The following PDE3B variants were observed in gnomAD, a reference collection of about 807,000 sequenced individuals.
PDE3B encodes phosphodiesterase 3B.
Under a neutral mutation model 116.8 loss-of-function variants are expected in PDE3B, and 66 were observed. That is an observed-to-expected ratio of 0.56 (90% CI 0.46 to 0.69). The LOEUF is 0.69. Ranked by LOEUF, PDE3B falls within the 30% of genes least tolerant of loss-of-function variation. The pLI is 0.00. For missense variants in PDE3B, 1,384 were observed against 1,368.1 expected, an observed-to-expected ratio of 1.01 and a Z score of -0.18; for synonymous variants, 595 against 533.6, an observed-to-expected ratio of 1.12 and a Z score of -1.59.
intron 1 of PDE3B, among the ~76,000 whole-genome samples, chr11:14,749,858 T>C (rs900750553): frequency 2.4e-5 from 3 of 127,254 alleles, no homozygotes; most frequent in African/African-American, 5.7e-5. Flanking sequence ...TTTATATATA[T>C]TTAAAATTTA....
chr11:14,665,783 G>A (rs1242298121), intron 1 of PDE3B, among the ~76,000 whole-genome samples: 7 of 152,206 alleles, frequency 4.6e-5, no homozygotes, highest in Non-Finnish European at 8.8e-5. Context: ...AAATAAAAGA[G>A]GATACAAATA....
intron 1 of PDE3B, among the ~76,000 whole-genome samples, chr11:14,710,406 A>G (rs1273320750): frequency 1.3e-5 from 2 of 152,012 alleles, no homozygotes; most frequent in Non-Finnish European, 2.9e-5. Context: ...CCTCCCACCA[A>G]CCACGAGAGA....
intron 11 of PDE3B, among the ~76,000 whole-genome samples, chr11:14,836,938 C>G (rs1454526906): frequency 6.6e-6 from 1 of 152,200 alleles, no homozygotes; most frequent in Non-Finnish European, 1.5e-5. Flanking sequence ...CTCAGTCTCC[C>G]AAGCAGCTGG....
intron 5 of PDE3B, among the ~76,000 whole-genome samples, chr11:14,805,520 A>G (rs1161817332): frequency 6.6e-6 from 1 of 152,222 alleles, no homozygotes; most frequent in Non-Finnish European, 1.5e-5. Context: ...AAAAATGTAA[A>G]TCAAGTCATT....
At chr11:14,791,313 C>A (rs1273582566) in intron 4 of PDE3B, among the ~76,000 whole-genome samples, 1 of 152,062 alleles carries the variant, frequency 6.6e-6, no homozygotes, top group Non-Finnish European at 1.5e-5. Flanking sequence ...TCACAGTTTG[C>A]CTGACTGATT....
In PDE3B at chr11:14,870,500, G is replaced by A. The variant is rs1247720; in HGVS notation, c.*840G>A. Reference sequence around the variant, plus strand: ...GTATTTTTAAAGATTTAGTTAATATGAACACAGCACAGATTTGTTAGAAGA... The same window carrying A: ...GTATTTTTAAAGATTTAGTTAATATAAACACAGCACAGATTTGTTAGAAGA... On this transcript the variant is annotated 3_prime_UTR_variant, in exon 16 of 16. Transcript: ENST00000282096. This position sits in a 1 kb window ranked among gnomAD's most constrained non-coding sequence, Gnocchi z 4.1. 150,858 of 152,724 alleles carry A rather than the reference G, an allele frequency of 0.99. 74,545 individuals are homozygous for A. Among genetic ancestry groups the A allele is most frequent in the Middle Eastern group, 1 (294 of 294 alleles). 9.5% of individuals were successfully genotyped at this position (152,724 alleles called of 1,614,324 possible).
intron 1 of PDE3B, among the ~76,000 whole-genome samples, chr11:14,766,266 T>C (rs1427968730): frequency 6.6e-6 from 1 of 151,628 alleles, no homozygotes; most frequent in Non-Finnish European, 1.5e-5. Flanking sequence ...CTATTTCTCT[T>C]AACTTGGAAA....
chr11:14,686,192 T>C (rs974768150), intron 1 of PDE3B, among the ~76,000 whole-genome samples: 1 of 152,248 alleles, frequency 6.6e-6, no homozygotes, highest in Non-Finnish European at 1.5e-5. Context: ...AAAAATTTTT[T>C]TACGTTCTTC....
At chr11:14,718,790 A>G (rs1447213111) in intron 1 of PDE3B, among the ~76,000 whole-genome samples, 2 of 136,998 alleles carry the variant, frequency 1.5e-5, no homozygotes, top group African/African-American at 2.8e-5. Context: ...AGGGAAATTT[A>G]TAGCACTAAA....
At chr11:14,745,323 A>T (rs1338750630) in intron 1 of PDE3B, among the ~76,000 whole-genome samples, 3 of 152,154 alleles carry the variant, frequency 2.0e-5, no homozygotes, top group African/African-American at 7.2e-5. Context: ...CTGTATCTGG[A>T]TAATCACTTA....
chr11:14,893,870 T>C, the PDE3B span, among the ~76,000 whole-genome samples: 77 of 152,266 alleles, frequency 5.1e-4, no homozygotes, highest in East Asian at 7.7e-3. Flanking sequence ...TGTGGACCTA[T>C]TGGGGGAGGG....
At chr11:14,890,533 A>ATTTTT in the PDE3B span, 1 of 248,926 alleles carries the variant, frequency 4.0e-6, no homozygotes, top group African/African-American at 3.0e-5. Context: ...AACCTAGACC[A>ATTTTT]ATTCTTTTTT....
chr11:14,853,147 C>T lies in PDE3B; in HGVS notation c.2521-5896C>T, dbSNP rs117889203. Among the ~76,000 whole-genome samples, 220 of 152,024 alleles carry T rather than the reference C, an allele frequency of 1.4e-3. 1 individual carries two copies. The highest frequency in any genetic ancestry group is 0.011 in the East Asian group (55 of 5,172). On this transcript the variant is annotated intron_variant, in intron 12 of 15. Coordinates refer to ENST00000282096, the MANE Select transcript of PDE3B (RefSeq NM_000922.4). ...GGCTTTTCCTTTAGATATCCGTATA[C>T]GCATTTTGTCACCTCCTTCCATCTA...
At chr11:14,879,494 TAA>T in the PDE3B span, 1 of 1,380,790 alleles carries the variant, frequency 7.2e-7, no homozygotes, top group Non-Finnish European at 1.0e-6. Flanking sequence ...GAATTATACC[TAA>T]AGTTATTTCC....
At chr11:14,847,130 G>A (rs1847624816) in intron 12 of PDE3B, among the ~76,000 whole-genome samples, 1 of 152,076 alleles carries the variant, frequency 6.6e-6, no homozygotes, top group African/African-American at 2.4e-5. Context: ...CAGAAATTAT[G>A]GCAAACTGTC....
At chr11:14,813,859 T>A (rs1859234158) in intron 5 of PDE3B, among the ~76,000 whole-genome samples, 1 of 152,006 alleles carries the variant, frequency 6.6e-6, no homozygotes, top group East Asian at 1.9e-4. Context: ...GATACAAAAA[T>A]CCTAAACAAA....
At chr11:14,648,256 C>A (rs4757261) in intron 1 of PDE3B, among the ~76,000 whole-genome samples, 53,872 of 151,866 alleles carry the variant, frequency 0.35, 10,932 homozygotes, top group South Asian at 0.46. Flanking sequence ...TTTTTCTATA[C>A]CTTTAGTGCT....
At chr11:14,831,384 A>T (rs1859878124) in intron 8 of PDE3B, among the ~76,000 whole-genome samples, 2 of 151,854 alleles carry the variant, frequency 1.3e-5, no homozygotes, top group South Asian at 4.1e-4. Flanking sequence ...TAATTTGGAA[A>T]TATAATACTT....
chr11:14,874,968 G>A (rs1411142851), downstream of PDE3B, among the ~76,000 whole-genome samples: 4 of 152,096 alleles, frequency 2.6e-5, no homozygotes, highest in South Asian at 6.2e-4. Flanking sequence ...AAAATCAGAC[G>A]AAATTAGGGA....
Sources: allele counts gnomAD v4.1 joint callset (sites outside exome capture counted in the v4.1 genomes callset), GRCh38; gene constraint gnomAD v4.1.1; non-coding constraint Gnocchi (gnomAD v3.1); transcripts MANE v1.5; gene names NCBI Gene and HGNC (gene_info 2026-07-23, HGNC 2026-07-21).